APBB2: variants seen among roughly 807,000 people sequenced by gnomAD.
APBB2 encodes the protein amyloid beta precursor protein binding family B member 2, also known as Fe65-like 1.
Under a neutral mutation model 82.5 loss-of-function variants are expected in APBB2, and 38 were observed. The ratio of observed to expected loss-of-function variants is 0.46; its 90% CI spans 0.36 to 0.60. The LOEUF (loss-of-function observed/expected upper bound fraction) is 0.60. APBB2 is among the 20% of genes least tolerant of loss of function. The probability of loss-of-function intolerance (pLI) is 0.00; values close to 1 mark genes in which losing one functional copy is unlikely to be tolerated. For synonymous variants in APBB2, 341 were observed against 368.2 expected (o/e 0.93, Z 0.85); for missense variants, 772 against 972.3 (o/e 0.79, Z 2.74).
chr4:40,954,837 G>C (rs1314781650), intron 6 of APBB2, among the ~76,000 whole-genome samples: 1 of 152,090 alleles, frequency 6.6e-6, no homozygotes, highest in Non-Finnish European at 1.5e-5. Flanking sequence ...GTAATTTTTT[G>C]TATTTTTAAT....
At chr4:40,943,577 T>C (rs1364711512) in intron 7 of APBB2, among the ~76,000 whole-genome samples, 1 of 152,178 alleles carries the variant, frequency 6.6e-6, no homozygotes, top group Non-Finnish European at 1.5e-5. Context: ...ACCAAACTCC[T>C]TGAGGGCTGA....
chr4:40,943,442 C>T (rs947871649), intron 7 of APBB2, among the ~76,000 whole-genome samples: 13 of 152,200 alleles, frequency 8.5e-5, no homozygotes, highest in African/African-American at 2.4e-4. Flanking sequence ...AGGGAGAGCA[C>T]GTCTGTGCCT....
chr4:41,104,158 G>A (rs998659012), intron 2 of APBB2, among the ~76,000 whole-genome samples: 3 of 152,210 alleles, frequency 2.0e-5, no homozygotes, highest in Admixed American at 2.0e-4. Flanking sequence ...ATTTGGGCAT[G>A]CGGATAAACT....
intron 10 of APBB2, among the ~76,000 whole-genome samples, chr4:40,931,993 A>G (rs780870320): frequency 4.6e-5 from 7 of 152,214 alleles, no homozygotes; most frequent in Non-Finnish European, 8.8e-5. Context: ...TGAAATAGAC[A>G]TGCTGGCAAT....
intron 10 of APBB2, among the ~76,000 whole-genome samples, chr4:40,925,409 G>T (rs1459945962): frequency 1.3e-5 from 2 of 152,174 alleles, no homozygotes; most frequent in Non-Finnish European, 2.9e-5. Flanking sequence ...CACAGAGGGG[G>T]TAGGTAACTT....
chr4:40,907,679 T>TC (rs1220589189), intron 10 of APBB2, among the ~76,000 whole-genome samples: 1 of 143,656 alleles, frequency 7.0e-6, no homozygotes, highest in East Asian at 2.1e-4. Context: ...CCCTTTTTTT[T>TC]TTTTTTTTTT....
At chr4:40,888,431 T>A (rs1342208510) in intron 12 of APBB2, among the ~76,000 whole-genome samples, 3 of 152,260 alleles carry the variant, frequency 2.0e-5, no homozygotes, top group Non-Finnish European at 2.9e-5. Flanking sequence ...CGTACACGCA[T>A]GGAATGTAAC....
At chr4:40,938,362 A>G (rs983683341) in intron 7 of APBB2, among the ~76,000 whole-genome samples, 1 of 152,056 alleles carries the variant, frequency 6.6e-6, no homozygotes, top group Non-Finnish European at 1.5e-5. Context: ...GGGGTATGGC[A>G]CTCCTCAAAA....
chr4:41,184,173 T>C (rs946892231), intron 1 of APBB2, among the ~76,000 whole-genome samples: 1 of 152,040 alleles, frequency 6.6e-6, no homozygotes, highest in Non-Finnish European at 1.5e-5. Flanking sequence ...ATGAGAGCCA[T>C]GGGGAGCGGC....
At chr4:40,870,437 A>G (rs113482453) in intron 12 of APBB2, among the ~76,000 whole-genome samples, 46 of 152,352 alleles carry the variant, frequency 3.0e-4, no homozygotes, top group African/African-American at 1.1e-3. Context: ...CCTGGGGCAC[A>G]GTGTGTAACT....
rs1454132413 is a variant in APBB2, at chr4:40,832,512, CT to C, written c.1530-1936del. ...CCTCCATGCTAGAACCGGACTCCCC[CT>C]GCCTCACGTGCCACACCCAATCCCC... On this transcript the variant is annotated intron_variant, in intron 12 of 17. Coordinates refer to ENST00000508593, the MANE Select transcript of APBB2 (RefSeq NM_004307.2). This position sits in a 1 kb window ranked among gnomAD's most constrained non-coding sequence, Gnocchi z 4.8. Among the ~76,000 whole-genome samples the C allele has an allele frequency of 6.6e-6, 1 of 152,224 alleles. No homozygotes were observed. The highest frequency in any genetic ancestry group is 1.5e-5 in the Non-Finnish European group (1 of 68,036).
chr4:40,843,886 G>A, intron 12 of APBB2, among the ~76,000 whole-genome samples: 1 of 152,194 alleles, frequency 6.6e-6, no homozygotes, highest in South Asian at 2.1e-4. Context: ...TTGACAGTAG[G>A]CTGCAGGACT....
At chr4:41,020,236 T>C (rs767657799) in intron 5 of APBB2, among the ~76,000 whole-genome samples, 13 of 152,222 alleles carry the variant, frequency 8.5e-5, no homozygotes, top group Non-Finnish European at 1.8e-4. Context: ...TGACAACCCA[T>C]AGCCTTCCTA....
intron 10 of APBB2, among the ~76,000 whole-genome samples, chr4:40,896,928 A>G (rs1252970188): frequency 6.6e-6 from 1 of 152,194 alleles, no homozygotes; most frequent in Non-Finnish European, 1.5e-5. Flanking sequence ...GGCTGGAGTG[A>G]GCCCTAAGAC....
In APBB2 at chr4:40,810,462, C is replaced by T. The variant is rs1744184881; in HGVS notation, c.*5630G>A. On this transcript the variant is annotated 3_prime_UTR_variant, in exon 18 of 18. Coordinates refer to ENST00000508593, the MANE Select transcript of APBB2 (RefSeq NM_004307.2). ...GTGTGGTGGGACACGCCTGTAGTCC[C>T]AGCTACTTAGGAGGCTGAGGTACGA... 6.6e-6 allele frequency: 1 copy of T among 150,988 alleles called. No homozygotes were observed. Among genetic ancestry groups the T allele is most frequent in the Admixed American group, 6.6e-5 (1 of 15,058 alleles). 9.4% of individuals were successfully genotyped at this position (150,988 alleles called of 1,614,324 possible).
chr4:41,113,572 G>T (rs950772372), intron 2 of APBB2, among the ~76,000 whole-genome samples: 1 of 152,132 alleles, frequency 6.6e-6, no homozygotes, highest in Non-Finnish European at 1.5e-5. Context: ...TGACATGATT[G>T]TGTATTTAAT....
chr4:40,836,512 T>C (rs1052265850), intron 12 of APBB2, among the ~76,000 whole-genome samples: 5 of 151,508 alleles, frequency 3.3e-5, no homozygotes, highest in African/African-American at 1.2e-4. Flanking sequence ...ACAAAAAACA[T>C]GTCAAACCAA....
chr4:40,816,357 A>C, intron 17 of APBB2, 98 bp from the exon 18 acceptor site: 1 of 1,282,422 alleles, frequency 7.8e-7, no homozygotes, highest in Non-Finnish European at 1.1e-6. Context: ...TGACTCCCAA[A>C]GGTTAACGAC....
chr4:40,979,766 C>T (rs1004219496), intron 6 of APBB2, among the ~76,000 whole-genome samples: 2 of 152,148 alleles, frequency 1.3e-5, no homozygotes, highest in Admixed American at 6.5e-5. Flanking sequence ...ATTCTGCCGA[C>T]AAGTGTGCTT....
Sources: gnomAD v4.1 joint callset for allele counts (sites outside exome capture counted in the v4.1 genomes callset) on GRCh38, gnomAD v4.1.1 for gene constraint, Gnocchi (gnomAD v3.1) non-coding constraint, MANE v1.5 for transcripts, NCBI Gene and HGNC (gene_info 2026-07-23, HGNC 2026-07-21) for gene names.